The following EYS variants were observed in gnomAD, a reference collection of about 807,000 sequenced individuals.
EYS encodes the protein EGF-like photoreceptor maintenance factor.
A neutral mutation model predicts 282.1 loss-of-function variants in EYS; 250 were observed. That is an observed-to-expected ratio of 0.89 (90% CI 0.80 to 0.98). The LOEUF is 0.98. Among genes scored for constraint, EYS ranks in the 50% least tolerant of loss-of-function variants. The pLI is 0.00. For missense variants in EYS, 4,016 were observed against 3,709.0 expected, an observed-to-expected ratio of 1.08 and a Z score of -2.15; for synonymous variants, 1,355 against 1,282.9, an observed-to-expected ratio of 1.06 and a Z score of -1.20.
At chr6:64,374,768 T>C (rs1399767827) in intron 29 of EYS, among the ~76,000 whole-genome samples, 1 of 152,162 alleles carries the variant, frequency 6.6e-6, no homozygotes, top group Admixed American at 6.5e-5. Context: ...TCTAGTACCC[T>C]GAAGCTGCCA....
intron 1 of EYS, among the ~76,000 whole-genome samples, chr6:65,703,557 G>T (rs1769762229): frequency 6.6e-6 from 1 of 151,132 alleles, no homozygotes; most frequent in Non-Finnish European, 1.5e-5. Context: ...AAGTGCATTG[G>T]TTCCATGTGT....
At chr6:65,419,062 A>G (rs1490270397) in intron 5 of EYS, among the ~76,000 whole-genome samples, 2 of 152,010 alleles carry the variant, frequency 1.3e-5, no homozygotes, top group Non-Finnish European at 2.9e-5. Context: ...GAGAAAATAA[A>G]CCAGGTATAT....
At chr6:63,901,635 CT>C (rs1773661445) in intron 35 of EYS, among the ~76,000 whole-genome samples, 1 of 152,194 alleles carries the variant, frequency 6.6e-6, no homozygotes, top group Admixed American at 6.5e-5. Context: ...AGAAAGCCAA[CT>C]CTTCAAATAT....
At chr6:64,403,064 G>A (rs1042441316) in intron 28 of EYS, among the ~76,000 whole-genome samples, 1 of 151,872 alleles carries the variant, frequency 6.6e-6, no homozygotes, top group Non-Finnish European at 1.5e-5. Context: ...ATTGACATTA[G>A]ATTATTAAAT....
At chr6:65,263,905 C>G (rs895964158) in intron 12 of EYS, among the ~76,000 whole-genome samples, 2 of 151,600 alleles carry the variant, frequency 1.3e-5, no homozygotes, top group African/African-American at 4.9e-5. Flanking sequence ...CAGTAAGACC[C>G]TGTCTCTCAA....
intron 28 of EYS, among the ~76,000 whole-genome samples, chr6:64,406,461 T>C (rs1773710950): frequency 6.6e-6 from 1 of 152,020 alleles, no homozygotes; most frequent in Non-Finnish European, 1.5e-5. Flanking sequence ...AATTGACAAA[T>C]GGGATCTAAT....
chr6:64,082,037 G>T, intron 31 of EYS, 35 bp from the exon 32 acceptor site: 1 of 1,338,996 alleles, frequency 7.5e-7, no homozygotes. Context: ...TGTTCTGATA[G>T]CATTATATTG....
chr6:64,119,675 C>A (rs1029948301), intron 31 of EYS, among the ~76,000 whole-genome samples: 3 of 152,054 alleles, frequency 2.0e-5, no homozygotes, highest in Admixed American at 6.5e-5. Context: ...CTTAATATAG[C>A]TAAGGATATA....
chr6:65,369,257 G>A (rs1348031720), intron 8 of EYS, among the ~76,000 whole-genome samples: 1 of 143,354 alleles, frequency 7.0e-6, no homozygotes, highest in Non-Finnish European at 1.5e-5. Flanking sequence ...ACCAAGCAGT[G>A]TGTGTGTGTA....
intron 22 of EYS, among the ~76,000 whole-genome samples, chr6:64,706,514 CTAAA>C (rs1318594066): frequency 6.6e-6 from 1 of 152,006 alleles, no homozygotes; most frequent in Admixed American, 6.6e-5. Context: ...AATCAGTAGA[CTAAA>C]TAGACAACTC....
Position 63,778,011 on chromosome 6 carries a change from A to G in EYS, c.7893T>C (p.Ser2631=). The G allele has an allele frequency of 6.4e-7, 1 of 1,551,550 alleles. No individual in the cohort carries two copies. The highest frequency in any genetic ancestry group is 8.7e-7 in the Non-Finnish European group (1 of 1,146,852). ...CCTAATAACGTCATACTTACTAAAC[A>G]CTAGTTCCACTCTCTATGCATGTCC... ...NGGTCIESGT[S]VYCNCTTGWK... The change falls in exon 40 of 43, where the codon AGT becomes AGC. Residue 2631 remains serine, a synonymous_variant. Coordinates refer to ENST00000503581, the MANE Select transcript of EYS (RefSeq NM_001142800.2).
At chr6:64,422,683 G>C (rs1774273759) in intron 28 of EYS, among the ~76,000 whole-genome samples, 2 of 152,104 alleles carry the variant, frequency 1.3e-5, no homozygotes, top group Non-Finnish European at 2.9e-5. Flanking sequence ...TAGTGTAATA[G>C]AACCTATTAA....
intron 21 of EYS, among the ~76,000 whole-genome samples, chr6:64,820,575 G>T (rs777566250): frequency 6.6e-6 from 1 of 152,010 alleles, no homozygotes; most frequent in Non-Finnish European, 1.5e-5. Flanking sequence ...AATATCAACA[G>T]ATAATTATGC....
At chr6:65,369,304 A>ATAATATATATATTATATATATATAT (rs1765038979) in intron 8 of EYS, among the ~76,000 whole-genome samples, 2 of 65,856 alleles carry the variant, frequency 3.0e-5, no homozygotes, top group Non-Finnish European at 9.5e-5. Context: ...ATATTTATGT[A>ATAATATATATATTATATATATATAT]TAATATATAT....
At chr6:65,021,411 C>T (rs540488144) in intron 13 of EYS, among the ~76,000 whole-genome samples, 1 of 152,324 alleles carries the variant, frequency 6.6e-6, no homozygotes, top group Admixed American at 6.5e-5. Context: ...AGTTCCTCAT[C>T]TCCATATGAG....
chr6:65,484,795 T>C (rs552931359), intron 5 of EYS, among the ~76,000 whole-genome samples: 1 of 152,312 alleles, frequency 6.6e-6, no homozygotes, highest in South Asian at 2.1e-4. Flanking sequence ...TTTGGTCAAT[T>C]ATTGTGTGGT....
intron 11 of EYS, among the ~76,000 whole-genome samples, chr6:65,334,670 G>A (rs756609996): frequency 1.5e-4 from 22 of 151,686 alleles, no homozygotes; most frequent in Admixed American, 6.6e-4. Flanking sequence ...GGAGCTAATC[G>A]TACACATCTT....
At chr6:65,301,649 C>T (rs569955204) in intron 11 of EYS, among the ~76,000 whole-genome samples, 5 of 152,384 alleles carry the variant, frequency 3.3e-5, no homozygotes, top group South Asian at 2.1e-4. Context: ...GACCTTATTC[C>T]GGTATCCTAC....
chr6:64,229,857 C>T (rs1444570684), intron 31 of EYS, among the ~76,000 whole-genome samples: 1 of 152,152 alleles, frequency 6.6e-6, no homozygotes. Context: ...AAATTATCTG[C>T]TATCTGAATC....
Sources: allele counts gnomAD v4.1 joint callset (sites outside exome capture counted in the v4.1 genomes callset), GRCh38; gene constraint gnomAD v4.1.1; transcripts MANE v1.5; gene names NCBI Gene and HGNC (gene_info 2026-07-23, HGNC 2026-07-21).